The following DDX60 variants were observed in gnomAD, a reference collection of about 807,000 sequenced individuals.
The protein encoded by DDX60 is DExD/H-box helicase 60.
In DDX60, 165 loss-of-function variants were observed where a neutral mutation model predicts 212.8. The observed-to-expected ratio is 0.78, with a 90% CI of 0.68 to 0.88. DDX60 has a LOEUF of 0.88. Ranked by LOEUF, DDX60 falls within the 40% of genes least tolerant of loss-of-function variation. The pLI is 0.00. For missense variants in DDX60, 1,905 were observed against 2,003.9 expected (o/e 0.95, Z 0.94); for synonymous variants, 703 against 685.3 (o/e 1.03, Z -0.40).
intron 25 of DDX60, among the ~76,000 whole-genome samples, chr4:168,256,288 A>C (rs1734410665): frequency 1.3e-5 from 2 of 152,106 alleles, no homozygotes; most frequent in Admixed American, 1.3e-4. Context: ...TCTAAAAATG[A>C]GAAAAAAAAG....
At chr4:168,260,789 A>G in intron 25 of DDX60, 76 bp downstream of exon 25, 1 of 1,290,884 alleles carries the variant, frequency 7.7e-7, no homozygotes, top group South Asian at 1.3e-5. Context: ...TGTGGCCTGG[A>G]GGTTGGGGAC....
At position 168,293,950 on chromosome 4, in the gene DDX60, C is replaced by A; in HGVS notation, c.724-5G>T. 1.3e-6 allele frequency: 2 copies of A among 1,590,664 alleles called. No homozygotes were observed. Among genetic ancestry groups the A allele is most frequent in the Non-Finnish European group, 1.7e-6 (2 of 1,173,634 alleles). ...CAGAGATACAGTCTTGTGTGCCTGTCAAAGAAAAAAATTGTAATGTGTCAT... is the reference window on the plus strand; with the variant it reads ...CAGAGATACAGTCTTGTGTGCCTGTAAAAGAAAAAAATTGTAATGTGTCAT... On this transcript the variant is annotated splice_region_variant and splice_polypyrimidine_tract_variant and intron_variant, in intron 6 of 37. Transcript: ENST00000393743.
At chr4:168,279,687 A>G (rs1473542622) in intron 14 of DDX60, among the ~76,000 whole-genome samples, 1 of 152,194 alleles carries the variant, frequency 6.6e-6, no homozygotes, top group African/African-American at 2.4e-5. Flanking sequence ...ATAGAGAGAG[A>G]TTTGCCAACG....
At position 168,230,080 on chromosome 4, in the gene DDX60, T is replaced by A. The variant is rs11936801; in HGVS notation, c.4534-4404A>T. Among the ~76,000 whole-genome samples, 1,341 of 152,046 alleles carry A rather than the reference T, an allele frequency of 8.8e-3. 29 individuals are homozygous for A. The highest frequency in any genetic ancestry group is 0.031 in the African/African-American group (1,274 of 41,478). ...GCAAGCAGGAGTAGCTATTTTTATA[T>A]CAGACAAAACAGATTTAAAGCAAAA... On this transcript the variant is annotated intron_variant, in intron 33 of 37. Coordinates refer to ENST00000393743, the MANE Select transcript of DDX60 (RefSeq NM_017631.6).
In DDX60 at chr4:168,221,758, A is replaced by G; in HGVS notation, c.4948T>C (p.Ser1650Pro). ...AYALDFYKHG[S>P]LIGLVQDNRM... ...TTATCCTGGACTAATCCTATCAAGG[A>G]ACCATGTTTGTAGAAATCCAGTGCA... Residue 1650 changes from serine to proline, a missense_variant, in exon 36 of 38, where the codon TCC (serine) becomes CCC (proline). Ser to Pro is a moderately conservative substitution (Grantham distance 74). Transcript: ENST00000393743. 4 of 1,612,922 alleles carry G rather than the reference A, an allele frequency of 2.5e-6. No individual in the cohort carries two copies. Among genetic ancestry groups the G allele is most frequent in the Non-Finnish European group, 3.4e-6 (4 of 1,179,244 alleles).
intron 10 of DDX60, among the ~76,000 whole-genome samples, chr4:168,286,389 T>TACACACACACAC (rs71867661): frequency 0.04 from 5,323 of 133,682 alleles, 225 homozygotes; most frequent in African/African-American, 0.1. Context: ...CTTGATTTTA[T>TACACACACACAC]ACACACACAC....
chr4:168,248,944 G>A (rs558054133), intron 28 of DDX60, among the ~76,000 whole-genome samples: 1 of 152,180 alleles, frequency 6.6e-6, no homozygotes, highest in East Asian at 1.9e-4. Context: ...ATTTTTAGTA[G>A]AGACAGAGTT....
chr4:168,316,554 G>C (rs141414563), intron 1 of DDX60, among the ~76,000 whole-genome samples: 22 of 152,242 alleles, frequency 1.4e-4, no homozygotes, highest in African/African-American at 5.1e-4. Flanking sequence ...ATGGAATCAA[G>C]AAATTATCCT....
At position 168,240,894 on chromosome 4, in the gene DDX60, T is replaced by C. The variant is rs368963078; in HGVS notation, c.4165-3099A>G. Among the ~76,000 whole-genome samples, 3 of 152,284 alleles carry C rather than the reference T, an allele frequency of 2.0e-5. No homozygotes were observed. In the East Asian group the frequency reaches 5.8e-4, roughly 29 times the overall value. The stretch of plus-strand genomic sequence containing the variant: ...CATCGGCATGGGCAATATTTCATAA[T>C]TGATGTGGTTTGGCTGTGTACCCAC... On this transcript the variant is annotated intron_variant, in intron 30 of 37. Coordinates refer to ENST00000393743, the MANE Select transcript of DDX60 (RefSeq NM_017631.6).
intron 8 of DDX60, among the ~76,000 whole-genome samples, chr4:168,290,734 G>A (rs1001158629): frequency 2.6e-5 from 4 of 152,054 alleles, no homozygotes; most frequent in African/African-American, 7.2e-5. Flanking sequence ...AGCATTCTAT[G>A]ATTCCGTCTT....
rs1001303798 is a variant in DDX60, at chr4:168,268,721, T to A, written c.2786+133A>T. 1.4e-5 allele frequency: 7 copies of A among 515,672 alleles called. No homozygotes were observed. The South Asian group carries it at 1.7e-4, about 12-fold the overall frequency. The allele number at this position is 515,672 out of a possible 1,614,324, so 31.9% of individuals were successfully genotyped here. On this transcript the variant is annotated intron_variant, in intron 20 of 37. Transcript: ENST00000393743. ...CCAGGAGGTGTAGAGAGATGCAGTT[T>A]CTTGAAGATTCAGAAATAAACTATT...
At chr4:168,317,086 G>GA (rs1371252905) in intron 1 of DDX60, among the ~76,000 whole-genome samples, 1 of 143,602 alleles carries the variant, frequency 7.0e-6, no homozygotes, top group African/African-American at 2.6e-5. Flanking sequence ...AGAAGAAGAA[G>GA]AAAAAAAAGA....
intron 19 of DDX60, among the ~76,000 whole-genome samples, chr4:168,270,552 A>C (rs1473995816): frequency 6.6e-6 from 1 of 152,236 alleles, no homozygotes; most frequent in African/African-American, 2.4e-5. Context: ...TCGTCATAGC[A>C]CTTCAGAGTT....
chr4:168,244,849 A>G (rs1466362958), intron 30 of DDX60, among the ~76,000 whole-genome samples: 2 of 152,196 alleles, frequency 1.3e-5, no homozygotes, highest in Non-Finnish European at 2.9e-5. Flanking sequence ...ACCATCAGTG[A>G]TATGGAAGGT....
chr4:168,294,280 C>T (rs7438148), intron 6 of DDX60, among the ~76,000 whole-genome samples: 55,313 of 151,926 alleles, frequency 0.36, 10,478 homozygotes, highest in African/African-American at 0.47. Context: ...TAAAGACTTA[C>T]ATACAAGACT....
At chr4:168,286,423 GAGATAGATAGATAGATAGAT>G (rs71977398) in intron 10 of DDX60, among the ~76,000 whole-genome samples, 13 of 136,826 alleles carry the variant, frequency 9.5e-5, no homozygotes, top group African/African-American at 3.6e-4. Flanking sequence ...CACACCACAC[GAGATAGATAGATAGATAGAT>G]AGATAGATAG....
At chr4:168,222,951 C>T (rs28547898) in intron 35 of DDX60, among the ~76,000 whole-genome samples, 14,357 of 151,932 alleles carry the variant, frequency 0.094, 889 homozygotes, top group Admixed American at 0.15. Flanking sequence ...AAAGAGAGTT[C>T]GACGTTACAG....
At chr4:168,273,603 C>T (rs372297153) in intron 17 of DDX60, among the ~76,000 whole-genome samples, 2 of 151,932 alleles carry the variant, frequency 1.3e-5, no homozygotes, top group Non-Finnish European at 2.9e-5. Flanking sequence ...TAAACCTCAA[C>T]CTAAAGTAAA....
In DDX60 at chr4:168,308,000, T is replaced by C. The variant is rs766131825; in HGVS notation, c.264+6A>G. 5 of 1,562,852 alleles carry C rather than the reference T, an allele frequency of 3.2e-6. No individual in the cohort carries two copies. The highest frequency in any genetic ancestry group is 1.2e-5 in the South Asian group (1 of 80,170). ...ATTATAAAAAAGAACTCAACTATCA[T>C]GTTACCTTGAAGAAAACTATGGTGA... On this transcript the variant is annotated splice_donor_region_variant and intron_variant, in intron 4 of 37. Coordinates refer to ENST00000393743, the MANE Select transcript of DDX60 (RefSeq NM_017631.6).
Sources: gnomAD v4.1 joint callset for allele counts (sites outside exome capture counted in the v4.1 genomes callset) on GRCh38, gnomAD v4.1.1 for gene constraint, MANE v1.5 for transcripts, NCBI Gene and HGNC (gene_info 2026-07-23, HGNC 2026-07-21) for gene names.